C6orf89: variants seen among roughly 807,000 people sequenced by gnomAD.
The protein encoded by C6orf89 is bombesin receptor-activated protein C6orf89.
C6orf89 carries 29 observed loss-of-function variants against 40.7 expected under a neutral mutation model. That is an observed-to-expected ratio of 0.71 (90% CI 0.53 to 0.97). The LOEUF is 0.97. Ranked by LOEUF, C6orf89 falls within the 50% of genes least tolerant of loss-of-function variation. The probability of loss-of-function intolerance (pLI) is 0.00; values close to 1 mark genes in which losing one functional copy is unlikely to be tolerated. For missense variants in C6orf89, 392 were observed against 429.1 expected, an observed-to-expected ratio of 0.91 and a Z score of 0.76; for synonymous variants, 165 against 152.2, an observed-to-expected ratio of 1.08 and a Z score of -0.62.
At chr6:36,901,318 A>ATTTT (rs1408790414) in intron 3 of C6orf89, among the ~76,000 whole-genome samples, 112 of 64,922 alleles carry the variant, frequency 1.7e-3, no homozygotes, top group Middle Eastern at 9.6e-3. Context: ...TATTATTATT[A>ATTTT]TTATTTTTTT....
chr6:36,880,718 G>A (rs1774784328), intron 2 of C6orf89, among the ~76,000 whole-genome samples: 1 of 152,118 alleles, frequency 6.6e-6, no homozygotes, highest in Non-Finnish European at 1.5e-5. Flanking sequence ...TTCTAAATAA[G>A]GCCTGGGGAT....
Position 36,910,666 on chromosome 6 carries a change from G to A in C6orf89, c.404-3618G>A, listed in dbSNP as rs576562980. Among the ~76,000 whole-genome samples, 35 of 151,714 alleles carry A rather than the reference G, an allele frequency of 2.3e-4. No homozygotes were observed. In the South Asian group the frequency reaches 6.3e-3, roughly 27 times the overall value. On this transcript the variant is annotated intron_variant, in intron 4 of 8. Coordinates refer to ENST00000480824, the MANE Select transcript of C6orf89 (RefSeq NM_001286635.2). ...TGACTTGAGCCTGGAAGGTCAAGGC[G>A]ACAGTGAGCTGAGATGTGCCACTGT...
upstream of C6orf89, among the ~76,000 whole-genome samples, chr6:36,881,443 T>C (rs1459796328): frequency 6.6e-6 from 1 of 151,954 alleles, no homozygotes; most frequent in Non-Finnish European, 1.5e-5. Context: ...GAGGCTGAGG[T>C]GGGTGGATCA....
intron 4 of C6orf89, among the ~76,000 whole-genome samples, chr6:36,904,068 C>G (rs1761834047): frequency 6.6e-6 from 1 of 152,116 alleles, no homozygotes; most frequent in Non-Finnish European, 1.5e-5. Context: ...TCCTCAGACA[C>G]ACCAGTCTCC....
intron 2 of C6orf89, among the ~76,000 whole-genome samples, chr6:36,896,498 C>A (rs565156664): frequency 2.2e-4 from 34 of 152,046 alleles, no homozygotes; most frequent in African/African-American, 8.2e-4. Flanking sequence ...TGTAATAATT[C>A]TTGATGTATT....
chr6:36,887,308 A>G (rs1775032009), intron 1 of C6orf89, among the ~76,000 whole-genome samples: 1 of 152,240 alleles, frequency 6.6e-6, no homozygotes, highest in African/African-American at 2.4e-5. Flanking sequence ...GCCACGAGTT[A>G]CATTCAATTA....
rs530431969 is a variant in C6orf89, at chr6:36,922,288, C to T, written c.950-1059C>T. The stretch of plus-strand genomic sequence containing the variant: ...CTGGGAGGTGGAGGTTGCAGTGAGC[C>T]GAGATTGCGCCATTGCACTCCAGCT... On this transcript the variant is annotated intron_variant, in intron 8 of 8. Transcript: ENST00000480824. Among the ~76,000 whole-genome samples the T allele has an allele frequency of 1.7e-3, 252 of 150,906 alleles. 1 individual carries two copies. Among genetic ancestry groups the T allele is most frequent in the African/African-American group, 5.7e-3 (233 of 41,076 alleles).
chr6:36,923,509 C>A lies in C6orf89; in HGVS notation c.*68C>A. ...CAGGTTGAAAGGGGAAAAATAAAAA[C>A]AAAAACGATGAAACTGCTTTCTGGG... is the stretch of plus-strand genomic sequence containing the variant. On this transcript the variant is annotated 3_prime_UTR_variant, in exon 9 of 9. Coordinates refer to ENST00000480824, the MANE Select transcript of C6orf89 (RefSeq NM_001286635.2). The A allele has an allele frequency of 2.4e-6, 3 of 1,267,664 alleles. No individual in the cohort carries two copies. Among genetic ancestry groups the A allele is most frequent in the Non-Finnish European group, 3.4e-6 (3 of 872,522 alleles). The allele number at this position is 1,267,664 out of a possible 1,614,324, so 78.5% of individuals were successfully genotyped here. A position where few individuals can be genotyped will look rare whatever the true frequency, so the allele number is the denominator to read the frequency against.
At chr6:36,922,317 G>T (rs1762539070) in intron 8 of C6orf89, among the ~76,000 whole-genome samples, 1 of 151,438 alleles carries the variant, frequency 6.6e-6, no homozygotes, top group South Asian at 2.1e-4. Context: ...TCCAGCTTGG[G>T]CAACAAGAGT....
At chr6:36,877,611 G>T (rs1774693943) in intron 1 of C6orf89, among the ~76,000 whole-genome samples, 1 of 152,164 alleles carries the variant, frequency 6.6e-6, no homozygotes, top group Admixed American at 6.5e-5. Context: ...TTACAGGCAT[G>T]AGCCACCACG....
rs1211472233 is a variant in C6orf89 at position 36,927,995 on chromosome 6, G to C, written c.*4554G>C. ...TTGAAGAGAAACCCTCAGCCAGCTT[G>C]TCTGTTGTCCAGGTCCCTCAGTGTC... is the stretch of plus-strand genomic sequence containing the variant. On this transcript the variant is annotated 3_prime_UTR_variant, in exon 9 of 9. Coordinates refer to ENST00000480824, the MANE Select transcript of C6orf89 (RefSeq NM_001286635.2). 3.3e-5 allele frequency: 5 copies of C among 152,398 alleles called. No homozygotes were observed. Among genetic ancestry groups the C allele is most frequent in the African/African-American group, 1.2e-4 (5 of 41,580 alleles). 9.4% of individuals were successfully genotyped at this position (152,398 alleles called of 1,614,324 possible).
chr6:36,877,599 G>T (rs1471831230), intron 1 of C6orf89, among the ~76,000 whole-genome samples: 2 of 152,118 alleles, frequency 1.3e-5, no homozygotes, highest in African/African-American at 4.8e-5. Flanking sequence ...AAAGTGCTGG[G>T]ATTACAGGCA....
At chr6:36,904,715 A>G (rs1399574237) in intron 4 of C6orf89, among the ~76,000 whole-genome samples, 1 of 152,220 alleles carries the variant, frequency 6.6e-6, no homozygotes, top group Non-Finnish European at 1.5e-5. Flanking sequence ...TTAGTTGGCC[A>G]TACATTTAAA....
chr6:36,923,292 A>G, intron 8 of C6orf89, 55 bp from the exon 9 acceptor site: 1 of 1,392,694 alleles, frequency 7.2e-7, no homozygotes, highest in Non-Finnish European at 1.0e-6. Context: ...TCGTGCCCAC[A>G]GGTGTGCCCA....
rs761369574 is a variant in C6orf89 at position 36,923,414 on chromosome 6, C to T, written c.1017C>T (p.Cys339=). The change falls in exon 9 of 9, where the codon TGC becomes TGT. Residue 339 remains cysteine, a synonymous_variant. Coordinates refer to ENST00000480824, the MANE Select transcript of C6orf89 (RefSeq NM_001286635.2). The part of the protein sequence containing the change: ...IARGVQPLVI[C]DGTAFSEL The stretch of plus-strand genomic sequence containing the variant: ...GAGGGGTCCAGCCTTTGGTCATCTG[C>T]GATGGAACCGCTTTCTCAGAACTGT... 12 of 1,613,750 alleles carry T rather than the reference C, an allele frequency of 7.4e-6. No individual in the cohort carries two copies. The highest frequency in any genetic ancestry group is 5.3e-5 in the African/African-American group (4 of 74,914).
Position 36,919,611 on chromosome 6 carries a change from A to C in C6orf89, c.859A>C (p.Ser287Arg). Residue 287 changes from serine (S) to arginine (R), a missense_variant, in exon 8 of 9, where the codon AGC becomes CGC. By Grantham distance (110) the Ser-to-Arg change is moderately radical. Transcript: ENST00000480824. ...HKMPDLFIIG[S>R]GEAMLQLIPP... ...GATGCCTGACCTATTTATCATTGGC[A>C]GCGGTGAGGCCATGTTGCAGCTCAT... The C allele has an allele frequency of 6.2e-7, 1 of 1,614,076 alleles. No homozygotes were observed. Among genetic ancestry groups the C allele is most frequent in the Non-Finnish European group, 8.5e-7 (1 of 1,179,956 alleles).
chr6:36,883,467 T>G (rs1774878911), upstream of C6orf89: 1 of 152,250 alleles, frequency 6.6e-6, no homozygotes, highest in Admixed American at 6.5e-5. Context: ...CTTTGAATAT[T>G]TTTTCCTTGT....
At chr6:36,913,300 A>G (rs1022842355) in intron 4 of C6orf89, among the ~76,000 whole-genome samples, 3 of 152,182 alleles carry the variant, frequency 2.0e-5, no homozygotes, top group African/African-American at 7.2e-5. Flanking sequence ...GTGGGGCTGG[A>G]AACTATGGCT....
chr6:36,883,752 C>T (rs9470428), upstream of C6orf89, among the ~76,000 whole-genome samples: 86 of 152,308 alleles, frequency 5.6e-4, no homozygotes, highest in African/African-American at 2.0e-3. Flanking sequence ...TTTGTTAGGT[C>T]CTTTTTCCAT....
Sources: gnomAD v4.1 joint callset for allele counts (sites outside exome capture counted in the v4.1 genomes callset) on GRCh38, gnomAD v4.1.1 for gene constraint, MANE v1.5 for transcripts, NCBI Gene and HGNC (gene_info 2026-07-23, HGNC 2026-07-21) for gene names.